ZNF774: variants seen among roughly 807,000 people sequenced by gnomAD.
ZNF774 encodes the protein zinc finger protein 774.
In ZNF774, 14 loss-of-function variants were observed where a neutral mutation model predicts 11.1. That is an observed-to-expected ratio of 1.26 (90% CI 0.83 to 1.97). ZNF774 has a LOEUF of 1.97. Among genes scored for constraint, ZNF774 ranks in the 30% most tolerant of loss-of-function variants. The pLI is 0.00. For missense variants in ZNF774, 599 were observed against 587.0 expected, an observed-to-expected ratio of 1.02 and a Z score of -0.21; for synonymous variants, 195 against 212.6, an observed-to-expected ratio of 0.92 and a Z score of 0.72.
chr15:90,360,548 G>A lies in ZNF774; in HGVS notation c.717G>A (p.Glu239=), dbSNP rs1964315037. The A allele has an allele frequency of 6.2e-7, 1 of 1,612,362 alleles. No homozygotes were observed. Among genetic ancestry groups the A allele is most frequent in the African/African-American group, 1.3e-5 (1 of 74,312 alleles). The change falls in exon 4 of 4, where the codon GAG becomes GAA. Residue 239 remains glutamate, a synonymous_variant. Coordinates refer to ENST00000354377, the MANE Select transcript of ZNF774 (RefSeq NM_001004309.3). Reference sequence around the variant, plus strand: ...GGGAGAGACCCTATGAGTGCCCAGAGTGTGGAAAGACTTTTGGGCGGAAGC... The same window carrying A: ...GGGAGAGACCCTATGAGTGCCCAGAATGTGGAAAGACTTTTGGGCGGAAGC... ...HTGERPYECP[E]CGKTFGRKPH...
Position 90,360,887 on chromosome 15 carries a change from C to A in ZNF774, c.1056C>A (p.Cys352Ter). The stretch of plus-strand genomic sequence containing the variant: ...AGAGGCCTTTCAGTTGTCCTGACTG[C>A]CACAAAAGCTTCAGTCAGAGCTCAC... ...SGERPFSCPD[C>*]HKSFSQSSHL... Residue 352 changes from cysteine to a stop codon, truncating the protein, a stop_gained, in exon 4 of 4, where the codon TGC becomes TGA. Coordinates refer to ENST00000354377, the MANE Select transcript of ZNF774 (RefSeq NM_001004309.3). LOFTEE classifies it low-confidence loss of function (END_TRUNC). 6.2e-7 allele frequency: 1 copy of A among 1,613,950 alleles called. No individual in the cohort carries two copies. Among genetic ancestry groups the A allele is most frequent in the Non-Finnish European group, 8.5e-7 (1 of 1,179,986 alleles).
chr15:90,354,724 G>T lies in ZNF774; in HGVS notation c.64G>T (p.Glu22Ter). The T allele has an allele frequency of 6.2e-7, 1 of 1,612,572 alleles. No homozygotes were observed. Among genetic ancestry groups the T allele is most frequent in the South Asian group, 1.1e-5 (1 of 90,526 alleles). Residue 22 changes from glutamate (E) to a stop codon, truncating the protein, a stop_gained, in exon 2 of 4, where the codon GAA becomes TAA. Transcript: ENST00000354377. LOFTEE classifies it high-confidence loss of function. ...ACACTGCTTAGAGAATCCTCTCCAG[G>T]AATGCCACCCAGCACAGTTAGAAGA... ...PGHCLENPLQ[E>*]CHPAQLEEWA...
chr15:90,360,445 A>G lies in ZNF774; in HGVS notation c.614A>G (p.Lys205Arg). The G allele has an allele frequency of 1.2e-6, 2 of 1,613,700 alleles. No individual in the cohort carries two copies. The highest frequency in any genetic ancestry group is 1.3e-5 in the African/African-American group (1 of 75,004). Residue 205 changes from lysine to arginine, a missense_variant, in exon 4 of 4, where the codon AAG becomes AGG. Coordinates refer to ENST00000354377, the MANE Select transcript of ZNF774 (RefSeq NM_001004309.3). Reference protein sequence around the residue: ...VTHRRTHTGEKPYQCKGCEKK... With the variant: ...VTHRRTHTGERPYQCKGCEKK... ...CATCGCAGAACACACACAGGAGAGA[A>G]GCCCTACCAATGCAAGGGGTGTGAG...
chr15:90,360,293 A>C lies in ZNF774; in HGVS notation c.462A>C (p.Ala154=), dbSNP rs1311720905. 4.3e-6 allele frequency: 7 copies of C among 1,614,252 alleles called. No individual in the cohort carries two copies. Among genetic ancestry groups the C allele is most frequent in the Non-Finnish European group, 4.2e-6 (5 of 1,180,050 alleles). The change falls in exon 4 of 4, where the codon GCA becomes GCC. Residue 154 remains alanine, a synonymous_variant. Transcript: ENST00000354377. Reference sequence around the variant, plus strand: ...ATGTAGGAGAGAAGCCTATGTGTGCAGAATGCGGGAAAAGCTTTAACCAGA... The same window carrying C: ...ATGTAGGAGAGAAGCCTATGTGTGCCGAATGCGGGAAAAGCTTTAACCAGA... ...DGYVGEKPMC[A]ECGKSFNQSS...
intron 1 of ZNF774, among the ~76,000 whole-genome samples, chr15:90,354,273 A>G (rs1330529911): frequency 6.6e-6 from 1 of 152,222 alleles, no homozygotes; most frequent in Admixed American, 6.5e-5. Flanking sequence ...CTTGCTGAGG[A>G]AAATGAAGTT....
In ZNF774 at chr15:90,362,804, A is replaced by G. The variant is rs1191184479; in HGVS notation, c.*1521A>G. Reference sequence around the variant, plus strand: ...ACACACACTTTGTTGGTTAACTATAAATGTAATATCTCTATGTTATAATTC... The same window carrying G: ...ACACACACTTTGTTGGTTAACTATAGATGTAATATCTCTATGTTATAATTC... On this transcript the variant is annotated 3_prime_UTR_variant, in exon 4 of 4. Coordinates refer to ENST00000354377, the MANE Select transcript of ZNF774 (RefSeq NM_001004309.3). 4.1e-6 allele frequency: 2 copies of G among 493,450 alleles called. No homozygotes were observed. The highest frequency in any genetic ancestry group is 3.8e-5 in the African/African-American group (2 of 52,226). 30.6% of individuals were successfully genotyped at this position (493,450 alleles called of 1,614,324 possible).
At chr15:90,357,024 T>C (rs150551144) in intron 2 of ZNF774, among the ~76,000 whole-genome samples, 1 of 152,308 alleles carries the variant, frequency 6.6e-6, no homozygotes, top group East Asian at 1.9e-4. Context: ...TATTGAAGTA[T>C]AATTTTATCA....
At position 90,354,153 on chromosome 15, in the gene ZNF774, C is replaced by T. The variant is rs139477761; in HGVS notation, c.-19-489C>T. Among the ~76,000 whole-genome samples, 851 of 151,274 alleles carry T rather than the reference C, an allele frequency of 5.6e-3. 7 individuals carry two copies. Among genetic ancestry groups the T allele is most frequent in the African/African-American group, 0.019 (776 of 41,428 alleles). The stretch of plus-strand genomic sequence containing the variant: ...ATAGAATGGTATCCAACACAGTTCC[C>T]TTTGGGGTTCTGTATAATCTGTCCC... On this transcript the variant is annotated intron_variant, in intron 1 of 3. Transcript: ENST00000354377.
In ZNF774 at chr15:90,360,965, A is replaced by G; in HGVS notation, c.1134A>G (p.Glu378=). The change falls in exon 4 of 4, where the codon GAA becomes GAG. Residue 378 remains glutamate (E), a synonymous_variant. Coordinates refer to ENST00000354377, the MANE Select transcript of ZNF774 (RefSeq NM_001004309.3). ...CAGGTGAGAGACCTTTTAAGTGCGAAAACTGTGGGAAAGGATTCGCCGACA... is the reference window on the plus strand; with the variant it reads ...CAGGTGAGAGACCTTTTAAGTGCGAGAACTGTGGGAAAGGATTCGCCGACA... ...THTGERPFKC[E]NCGKGFADSS... 1 of 1,614,172 alleles carries G rather than the reference A, an allele frequency of 6.2e-7. No individual in the cohort carries two copies. The highest frequency in any genetic ancestry group is 8.5e-7 in the Non-Finnish European group (1 of 1,180,036).
chr15:90,358,548 C>T (rs1351558344), intron 2 of ZNF774, among the ~76,000 whole-genome samples: 3 of 152,130 alleles, frequency 2.0e-5, no homozygotes, highest in Non-Finnish European at 2.9e-5. Context: ...TGATAAAATC[C>T]TCTCCATATT....
chr15:90,353,642 C>T (rs900003644), intron 1 of ZNF774, among the ~76,000 whole-genome samples: 12 of 150,550 alleles, frequency 8.0e-5, no homozygotes, highest in African/African-American at 2.9e-4. Flanking sequence ...TGTTGCTAGG[C>T]TGGGGTGCAG....
At position 90,362,591 on chromosome 15, in the gene ZNF774, A is replaced by G; in HGVS notation, c.*1308A>G. ...GTACATTCCTACATTCAATTGAAAT[A>G]AATTGAGGGACGGCAAGTGTGTTGG... is the stretch of plus-strand genomic sequence containing the variant. On this transcript the variant is annotated 3_prime_UTR_variant, in exon 4 of 4. Coordinates refer to ENST00000354377, the MANE Select transcript of ZNF774 (RefSeq NM_001004309.3). 6.5e-7 allele frequency: 1 copy of G among 1,534,754 alleles called. No homozygotes were observed. The highest frequency in any genetic ancestry group is 8.7e-7 in the Non-Finnish European group (1 of 1,145,684).
In ZNF774 at chr15:90,352,411, G is replaced by T. The variant is rs1031233682; in HGVS notation, c.-20G>T. On this transcript the variant is annotated splice_region_variant and 5_prime_UTR_variant, in exon 1 of 4. Transcript: ENST00000354377. ...TCCATCCCCGGCTGGGCCCTGGGGCGGTGAGTGATTCAAGGAGGGAGACCG... is the reference window on the plus strand; with the variant it reads ...TCCATCCCCGGCTGGGCCCTGGGGCTGTGAGTGATTCAAGGAGGGAGACCG... The T allele has an allele frequency of 1.3e-5, 2 of 152,470 alleles. No homozygotes were observed. Among genetic ancestry groups the T allele is most frequent in the Admixed American group, 6.5e-5 (1 of 15,290 alleles). The allele number at this position is 152,470 out of a possible 1,614,324, so 9.4% of individuals were successfully genotyped here.
chr15:90,354,592 G>A (rs553784553), intron 1 of ZNF774, 50 bp from the exon 2 acceptor site: 17 of 1,297,684 alleles, frequency 1.3e-5, no homozygotes, highest in Admixed American at 8.4e-5. Context: ...TCAGACAATG[G>A]TGAGAATATC....
intron 2 of ZNF774, among the ~76,000 whole-genome samples, chr15:90,357,803 C>G (rs1964268264): frequency 6.6e-6 from 1 of 152,082 alleles, no homozygotes; most frequent in Non-Finnish European, 1.5e-5. Context: ...AACTCCTGGC[C>G]TCACAAGTGA....
chr15:90,356,149 C>T lies in ZNF774; in HGVS notation c.104+1385C>T, dbSNP rs1317576442. On this transcript the variant is annotated intron_variant, in intron 2 of 3. Transcript: ENST00000354377. ...TTTTTTTTTTTTTGTGGCAGAGTCTCGCTGTGTCGCCCAGGCTGGAGTGCC... is the reference window on the plus strand; with the variant it reads ...TTTTTTTTTTTTTGTGGCAGAGTCTTGCTGTGTCGCCCAGGCTGGAGTGCC... Among the ~76,000 whole-genome samples the T allele has an allele frequency of 5.6e-4, 81 of 145,732 alleles. 1 individual carries two copies. Among genetic ancestry groups the T allele is most frequent in the Non-Finnish European group, 8.7e-4 (58 of 66,992 alleles).
In ZNF774 at chr15:90,362,499, A is replaced by C. The variant is rs1964350220; in HGVS notation, c.*1216A>C. On this transcript the variant is annotated 3_prime_UTR_variant, in exon 4 of 4. Transcript: ENST00000354377. ...CTCTTGTTTTCTAATTTGCTGGGTC[A>C]TTGGCCATTTAGTTTTAGGTTAATA... 3 of 1,520,056 alleles carry C rather than the reference A, an allele frequency of 2.0e-6. No homozygotes were observed. Among genetic ancestry groups the C allele is most frequent in the Non-Finnish European group, 2.6e-6 (3 of 1,132,424 alleles). 94.2% of individuals were successfully genotyped at this position (1,520,056 alleles called of 1,614,324 possible).
intron 3 of ZNF774, among the ~76,000 whole-genome samples, chr15:90,359,753 C>G (rs1369397317): frequency 6.6e-6 from 1 of 152,228 alleles, no homozygotes; most frequent in East Asian, 1.9e-4. Flanking sequence ...CCACGCCTGG[C>G]CTAAACCTAT....
Position 90,362,674 on chromosome 15 carries a change from AT to A in ZNF774, c.*1394del. The A allele has an allele frequency of 8.0e-7, 1 of 1,251,246 alleles. No homozygotes were observed. The highest frequency in any genetic ancestry group is 1.3e-5 in the South Asian group (1 of 78,202). The allele number at this position is 1,251,246 out of a possible 1,614,324, so 77.5% of individuals were successfully genotyped here. A position where few individuals can be genotyped will look rare whatever the true frequency, so the allele number is the denominator to read the frequency against. On this transcript the variant is annotated 3_prime_UTR_variant, in exon 4 of 4. Transcript: ENST00000354377. ...ATTTGAGTCCTGGCCCTGACGCTTAATTTGGCCAGACTTTCATCTTCTCCCA... is the reference window on the plus strand; with the variant it reads ...ATTTGAGTCCTGGCCCTGACGCTTAATTGGCCAGACTTTCATCTTCTCCCA...
Sources: allele counts gnomAD v4.1 joint callset (sites outside exome capture counted in the v4.1 genomes callset), GRCh38; gene constraint gnomAD v4.1.1; transcripts MANE v1.5; gene names NCBI Gene and HGNC (gene_info 2026-07-23, HGNC 2026-07-21).